Variants in CHODL observed in about 807,000 individuals in gnomAD.
CHODL encodes chondrolectin, also known as transmembrane protein MT75.
Under a neutral mutation model 34.5 loss-of-function variants are expected in CHODL, and 29 were observed. The ratio of observed to expected loss-of-function variants is 0.84; its 90% CI spans 0.63 to 1.15. The LOEUF is 1.15. Ranked by LOEUF, CHODL falls within the 50% of genes most tolerant of loss-of-function variation. CHODL has a pLI of 0.00. For synonymous variants in CHODL, 125 were observed against 116.1 expected, an observed-to-expected ratio of 1.08 and a Z score of -0.49; for missense variants, 332 against 332.5, an observed-to-expected ratio of 1.00 and a Z score of 0.01.
chr21:18,126,249 G>GATT (rs1171824808), intron 2 of CHODL, among the ~76,000 whole-genome samples: 1 of 152,142 alleles, frequency 6.6e-6, no homozygotes, highest in Admixed American at 6.5e-5. Context: ...CCAGCAAAAG[G>GATT]ATTATGACTC....
At chr21:17,974,910 A>G (rs2063648566) in intron 1 of CHODL, among the ~76,000 whole-genome samples, 1 of 148,812 alleles carries the variant, frequency 6.7e-6, no homozygotes. Flanking sequence ...GAGGCAGTCA[A>G]AATGTACTTT....
chr21:17,957,808 G>A (rs1043098685), intron 1 of CHODL, among the ~76,000 whole-genome samples: 4 of 151,414 alleles, frequency 2.6e-5, no homozygotes, highest in African/African-American at 4.8e-5. Flanking sequence ...AAGAGGTATC[G>A]GAGTCCTAAA....
At chr21:18,256,949 C>G in intron 2 of CHODL, 21 bp from the exon 3 acceptor site, 1 of 1,607,072 alleles carries the variant, frequency 6.2e-7, no homozygotes. Context: ...TCTGAGTGTT[C>G]CTATTACTCT....
At chr21:18,219,549 A>AGTATGAGAGTTCCCCTTTCTCC (rs1188305815) in intron 2 of CHODL, among the ~76,000 whole-genome samples, 1 of 152,140 alleles carries the variant, frequency 6.6e-6, no homozygotes, top group Non-Finnish European at 1.5e-5. Context: ...TCACCAACAG[A>AGTATGAGAGTTCCCCTTTCTCC]GTATGAGAGT....
At chr21:17,922,958 T>C (rs2063194269) in intron 1 of CHODL, among the ~76,000 whole-genome samples, 1 of 152,146 alleles carries the variant, frequency 6.6e-6, no homozygotes, top group African/African-American at 2.4e-5. Flanking sequence ...TGGTTCCTTC[T>C]GGAAAAGTGG....
intron 1 of CHODL, among the ~76,000 whole-genome samples, chr21:17,950,708 G>A (rs2063450203): frequency 6.6e-6 from 1 of 152,140 alleles, no homozygotes; most frequent in African/African-American, 2.4e-5. Flanking sequence ...TCATTGGTTG[G>A]AGAGAAACCA....
At chr21:18,059,186 G>C (rs1053907983) in intron 2 of CHODL, among the ~76,000 whole-genome samples, 14 of 152,088 alleles carry the variant, frequency 9.2e-5, no homozygotes, top group Admixed American at 2.6e-4. Context: ...CTCTCTCTCT[G>C]TACACACACA....
intron 1 of CHODL, among the ~76,000 whole-genome samples, chr21:17,995,452 C>A (rs2824592): frequency 0.24 from 36,383 of 152,000 alleles, 4,908 homozygotes; most frequent in Non-Finnish European, 0.31. Context: ...TTTCACTTTC[C>A]TCTCCTTCTG....
intron 2 of CHODL, among the ~76,000 whole-genome samples, chr21:18,220,241 G>C (rs60189960): frequency 2.0e-5 from 3 of 151,908 alleles, no homozygotes; most frequent in Non-Finnish European, 2.9e-5. Context: ...TCAGATTTTC[G>C]TAGGTAGCAT....
chr21:18,038,632 C>G (rs2064338980), intron 2 of CHODL, among the ~76,000 whole-genome samples: 1 of 151,686 alleles, frequency 6.6e-6, no homozygotes, highest in Non-Finnish European at 1.5e-5. Context: ...TTGATGACCA[C>G]TTAAAGTAAG....
chr21:18,076,333 C>T (rs116525030), intron 2 of CHODL, among the ~76,000 whole-genome samples: 3,171 of 152,216 alleles, frequency 0.021, 100 homozygotes, highest in African/African-American at 0.073. Context: ...GGAGGAAAGA[C>T]CATCTTGTTG....
intron 5 of CHODL, among the ~76,000 whole-genome samples, chr21:18,265,192 TAC>T (rs142155198): frequency 0.036 from 5,300 of 146,620 alleles, 300 homozygotes; most frequent in African/African-American, 0.13. Context: ...TATATATATA[TAC>T]ACACACACAC....
intron 5 of CHODL, 37 bp downstream of exon 5, chr21:18,262,930 C>G: frequency 8.7e-7 from 1 of 1,145,018 alleles, no homozygotes; most frequent in Non-Finnish European, 1.3e-6. Flanking sequence ...ATTTGAAAAA[C>G]TTTAAATAGG....
At chr21:18,082,975 G>C (rs1469481554) in intron 2 of CHODL, among the ~76,000 whole-genome samples, 1 of 151,998 alleles carries the variant, frequency 6.6e-6, no homozygotes, top group East Asian at 1.9e-4. Flanking sequence ...GCAAAAATTT[G>C]CGTTAGTAAA....
At chr21:18,179,497 G>T (rs986692694) in intron 2 of CHODL, among the ~76,000 whole-genome samples, 4 of 152,040 alleles carry the variant, frequency 2.6e-5, no homozygotes, top group Non-Finnish European at 4.4e-5. Context: ...AGAAACTTTT[G>T]CAAGTCCTCT....
intron 2 of CHODL, among the ~76,000 whole-genome samples, chr21:18,050,237 G>A (rs2064496857): frequency 6.6e-6 from 1 of 151,466 alleles, no homozygotes; most frequent in African/African-American, 2.4e-5. Flanking sequence ...AAGAAAGGGA[G>A]GCTGAGGCAC....
At chr21:17,994,857 G>A (rs888608952) in intron 1 of CHODL, among the ~76,000 whole-genome samples, 5 of 152,272 alleles carry the variant, frequency 3.3e-5, no homozygotes, top group East Asian at 3.9e-4. Flanking sequence ...AGCACATGTA[G>A]GTATGCGAGG....
intron 1 of CHODL, among the ~76,000 whole-genome samples, chr21:17,994,768 AC>A (rs2063832192): frequency 6.6e-6 from 1 of 151,736 alleles, no homozygotes; most frequent in South Asian, 2.1e-4. Flanking sequence ...GCAGGGTTCA[AC>A]CCCCCAGGTA....
At chr21:18,114,006 G>A (rs2065382734) in intron 2 of CHODL, among the ~76,000 whole-genome samples, 1 of 152,190 alleles carries the variant, frequency 6.6e-6, no homozygotes, top group Non-Finnish European at 1.5e-5. Context: ...GGATGGAACT[G>A]GAGATCATTA....
Sources: allele counts gnomAD v4.1 joint callset (sites outside exome capture counted in the v4.1 genomes callset), GRCh38; gene constraint gnomAD v4.1.1; transcripts MANE v1.5; gene names NCBI Gene and HGNC (gene_info 2026-07-23, HGNC 2026-07-21).